The following NDRG3 variants were observed in gnomAD, a reference collection of about 807,000 sequenced individuals.
NDRG3 encodes NDRG family member 3.
NDRG3 carries 23 observed loss-of-function variants against 57.2 expected under a neutral mutation model. That is an observed-to-expected ratio of 0.40 (90% CI 0.29 to 0.57). NDRG3 has a LOEUF of 0.57. NDRG3 is among the 20% of genes least tolerant of loss of function. The pLI is 0.42. For synonymous variants in NDRG3, 132 were observed against 162.6 expected, an observed-to-expected ratio of 0.81 and a Z score of 1.43; for missense variants, 384 against 457.3, an observed-to-expected ratio of 0.84 and a Z score of 1.46.
intron 15 of NDRG3, among the ~76,000 whole-genome samples, chr20:36,654,621 C>G (rs1978489726): frequency 6.6e-6 from 1 of 152,212 alleles, no homozygotes; most frequent in South Asian, 2.1e-4. Context: ...CCCCTTACAA[C>G]CAGATCCTTT....
chr20:36,660,568 AT>A (rs937213463), intron 12 of NDRG3, among the ~76,000 whole-genome samples, 184 bp from the exon 13 acceptor site: 3 of 145,266 alleles, frequency 2.1e-5, no homozygotes, highest in Admixed American at 6.9e-5. Flanking sequence ...TTATTTATTT[AT>A]TTTTTTTTTG....
intron 7 of NDRG3, 23 bp downstream of exon 7, chr20:36,682,495 A>T (rs776786247): frequency 6.2e-7 from 1 of 1,603,936 alleles, no homozygotes; most frequent in Non-Finnish European, 8.5e-7. Flanking sequence ...AAGGATGTTG[A>T]GGCTAATCCT....
At chr20:36,659,140 A>G (rs1232963042) in intron 13 of NDRG3, among the ~76,000 whole-genome samples, 1 of 151,964 alleles carries the variant, frequency 6.6e-6, no homozygotes, top group East Asian at 1.9e-4. Context: ...TTGTAGAGAC[A>G]GAGTCTCACT....
intron 2 of NDRG3, among the ~76,000 whole-genome samples, chr20:36,715,273 T>C (rs1412935364): frequency 6.6e-6 from 1 of 151,176 alleles, no homozygotes; most frequent in Non-Finnish European, 1.5e-5. Flanking sequence ...CTGTAACTGG[T>C]TGAGGGTCAT....
At chr20:36,742,272 C>T (rs1282350257) in intron 1 of NDRG3, among the ~76,000 whole-genome samples, 4 of 152,106 alleles carry the variant, frequency 2.6e-5, no homozygotes, top group Non-Finnish European at 5.9e-5. Flanking sequence ...CTTCTCCCAC[C>T]CCTGTTCTAA....
At chr20:36,729,060 T>C (rs922928916) in intron 1 of NDRG3, among the ~76,000 whole-genome samples, 2 of 152,172 alleles carry the variant, frequency 1.3e-5, no homozygotes, top group Non-Finnish European at 2.9e-5. Context: ...TCAACTCATA[T>C]ACCATAATGT....
chr20:36,665,897 TAA>T (rs929498608), intron 10 of NDRG3, among the ~76,000 whole-genome samples: 3 of 152,150 alleles, frequency 2.0e-5, no homozygotes, highest in African/African-American at 7.2e-5. Context: ...CGCCCAGCCC[TAA>T]GTGTTTAATT....
intron 12 of NDRG3, 29 bp downstream of exon 12, chr20:36,665,017 T>C: frequency 6.2e-7 from 1 of 1,608,640 alleles, no homozygotes; most frequent in Non-Finnish European, 8.5e-7. Context: ...TTGATCTCAT[T>C]CATCTTCACA....
At chr20:36,684,351 A>C (rs887434230) in intron 6 of NDRG3, 62 bp downstream of exon 6, 99 of 1,362,522 alleles carry the variant, frequency 7.3e-5, no homozygotes, top group Non-Finnish European at 8.6e-5. Context: ...TGAAACAGAC[A>C]CTAAATAATT....
At chr20:36,676,140 T>C (rs1980682390) in intron 8 of NDRG3, among the ~76,000 whole-genome samples, 1 of 151,758 alleles carries the variant, frequency 6.6e-6, no homozygotes, top group Non-Finnish European at 1.5e-5. Flanking sequence ...CTTGGGAGGC[T>C]GAGGTGGGAG....
chr20:36,686,970 A>G (rs1217691569), intron 5 of NDRG3, among the ~76,000 whole-genome samples: 2 of 151,868 alleles, frequency 1.3e-5, no homozygotes. Flanking sequence ...TCCTCCCACA[A>G]CAGCCTCCCA....
chr20:36,734,860 G>T (rs959116179), intron 1 of NDRG3, among the ~76,000 whole-genome samples: 5 of 152,046 alleles, frequency 3.3e-5, no homozygotes, highest in African/African-American at 1.2e-4. Flanking sequence ...TGCTCTAAGG[G>T]TTACAGAGGT....
intron 8 of NDRG3, among the ~76,000 whole-genome samples, chr20:36,678,109 A>C (rs1368638231): frequency 1.3e-5 from 2 of 152,154 alleles, no homozygotes; most frequent in African/African-American, 4.8e-5. Flanking sequence ...GAGTTAGCAA[A>C]CACCAGCAAT....
intron 8 of NDRG3, among the ~76,000 whole-genome samples, chr20:36,676,351 T>A (rs1261745521): frequency 6.6e-6 from 1 of 152,260 alleles, no homozygotes; most frequent in African/African-American, 2.4e-5. Context: ...TGATTTATTA[T>A]AAAATACCAT....
At chr20:36,715,867 G>A (rs766891039) in intron 2 of NDRG3, among the ~76,000 whole-genome samples, 9 of 152,012 alleles carry the variant, frequency 5.9e-5, no homozygotes, top group Non-Finnish European at 8.8e-5. Flanking sequence ...AGTGGCTCAC[G>A]CCTGTAATCC....
intron 4 of NDRG3, 146 bp downstream of exon 4, chr20:36,688,533 T>C (rs534560678): frequency 4.7e-6 from 3 of 636,334 alleles, no homozygotes; most frequent in African/African-American, 1.8e-5. Flanking sequence ...AGGAACTTTA[T>C]ACCATTAACG....
chr20:36,669,891 G>A (rs1281173665), intron 9 of NDRG3, among the ~76,000 whole-genome samples: 6 of 152,260 alleles, frequency 3.9e-5, no homozygotes, highest in African/African-American at 9.6e-5. Context: ...GAGCCACTGC[G>A]CCTGACCCCT....
chr20:36,737,892 A>G (rs1204281764), intron 1 of NDRG3, among the ~76,000 whole-genome samples: 1 of 146,710 alleles, frequency 6.8e-6, no homozygotes, highest in Non-Finnish European at 1.5e-5. Flanking sequence ...GGTGAAACTC[A>G]CCTCCACCAA....
At chr20:36,746,016 C>T (rs1471246994) in intron 1 of NDRG3, 29 bp downstream of exon 1, 2 of 319,064 alleles carry the variant, frequency 6.3e-6, no homozygotes, top group African/African-American at 4.4e-5. Flanking sequence ...CGCGCGCCCC[C>T]CGCGGGCCGG....
Sources: allele counts gnomAD v4.1 joint callset (sites outside exome capture counted in the v4.1 genomes callset), GRCh38; gene constraint gnomAD v4.1.1; transcripts MANE v1.5; gene names NCBI Gene and HGNC (gene_info 2026-07-23, HGNC 2026-07-21).